The following CYP27B1 variants were observed in gnomAD, a reference collection of about 807,000 sequenced individuals.
CYP27B1 encodes 25-hydroxyvitamin D-1 alpha hydroxylase, mitochondrial.
CYP27B1 carries 46 observed loss-of-function variants against 54.8 expected under a neutral mutation model. That is an observed-to-expected ratio of 0.84 (90% confidence interval 0.66 to 1.07). The LOEUF (loss-of-function observed/expected upper bound fraction) is 1.07, where lower values mean the gene tolerates loss of function less well. Ranked by LOEUF, CYP27B1 falls within the 50% of genes least tolerant of loss-of-function variation. The probability of loss-of-function intolerance (pLI) is 0.00; values close to 1 mark genes in which losing one functional copy is unlikely to be tolerated. For synonymous variants in CYP27B1, 292 were observed against 297.3 expected, an observed-to-expected ratio of 0.98 and a Z score of 0.18; for missense variants, 674 against 692.2, an observed-to-expected ratio of 0.97 and a Z score of 0.30.
chr12:57,763,610 C>A lies in CYP27B1; in HGVS notation c.1413+1G>T. On this transcript the variant is annotated splice_donor_variant, in intron 8 of 8. Coordinates refer to ENST00000228606, the MANE Select transcript of CYP27B1 (RefSeq NM_000785.4). LOFTEE classifies it high-confidence loss of function. ...GAAGGTATAAAATCTAGAGCACTCA[C>A]CTGGGCCAAAGCCATTTGCAATTCA... is the stretch of plus-strand genomic sequence containing the variant. 1 of 1,613,912 alleles carries A rather than the reference C, an allele frequency of 6.2e-7. No homozygotes were observed.
At position 57,763,450 on chromosome 12, in the gene CYP27B1, C is replaced by T. The variant is rs185769797; in HGVS notation, c.1413+161G>A. On this transcript the variant is annotated intron_variant, in intron 8 of 8. Transcript: ENST00000228606. ...GTAGGGAAAAAATAGTTTGAATACC[C>T]TCACTTACACTCCAGGCCTATAATG... Among the ~76,000 whole-genome samples, 8 of 152,272 alleles carry T rather than the reference C, an allele frequency of 5.3e-5. No individual in the cohort carries two copies. The East Asian group carries it at 1.5e-3, about 29-fold the overall frequency.
chr12:57,766,769 T>G, intron 1 of CYP27B1, 78 bp downstream of exon 1: 1 of 1,473,036 alleles, frequency 6.8e-7, no homozygotes, highest in Non-Finnish European at 9.5e-7. Context: ...ACATTTGCTC[T>G]GCACTAGTCA....
chr12:57,764,089 T>A lies in CYP27B1; in HGVS notation c.1215+9A>T. 1 of 1,605,030 alleles carries A rather than the reference T, an allele frequency of 6.2e-7. No homozygotes were observed. Among genetic ancestry groups the A allele is most frequent in the Non-Finnish European group, 8.5e-7 (1 of 1,171,818 alleles). On this transcript the variant is annotated intron_variant, in intron 7 of 8. Transcript: ENST00000228606. The stretch of plus-strand genomic sequence containing the variant: ...GGCTCAGTAGAAAGGGTGCATAGGC[T>A]TTACTCACATTTTTGGGGATAATAT...
Position 57,766,117 on chromosome 12 carries a change from T to G in CYP27B1, c.276A>C (p.Ala92=). Residue 92 remains alanine (A), a synonymous_variant, in exon 2 of 9, where the codon GCA becomes GCC. Transcript: ENST00000228606. ...TVRTVYVAAP[A]LVEELLRQEG... ...CCTGTCGCAGCAGCTCCTCGACGAG[T>G]GCAGGGGCAGCCACGTACACGGTGC... 6.5e-7 allele frequency: 1 copy of G among 1,545,980 alleles called. No individual in the cohort carries two copies. The highest frequency in any genetic ancestry group is 1.2e-5 in the South Asian group (1 of 84,308).
chr12:57,766,012 G>C lies in CYP27B1; in HGVS notation c.381C>G (p.Leu127=), dbSNP rs1452989422. The change falls in exon 2 of 9, where the codon CTC becomes CTG. Residue 127 remains leucine, a synonymous_variant. Coordinates refer to ENST00000228606, the MANE Select transcript of CYP27B1 (RefSeq NM_000785.4). The part of the protein sequence containing the change: ...RRCRQRACGL[L]TAEGEEWQRL... ...TGGGGGCAGAGAAGACTCACGCAGT[G>C]AGCAGTCCGCAAGCCCGCTGGCGGC... The C allele has an allele frequency of 6.4e-7, 1 of 1,570,282 alleles. No individual in the cohort carries two copies. Among genetic ancestry groups the C allele is most frequent in the Non-Finnish European group, 8.6e-7 (1 of 1,163,020 alleles).
chr12:57,766,493 C>G (rs966012919), intron 1 of CYP27B1: 16 of 570,188 alleles, frequency 2.8e-5, no homozygotes, highest in Middle Eastern at 4.6e-4. Context: ...GACTGTCCAT[C>G]TCAGGACGAG....
In CYP27B1 at chr12:57,766,175, C is replaced by T. The variant is rs1955359102; in HGVS notation, c.218G>A (p.Gly73Glu). The T allele has an allele frequency of 1.3e-6, 2 of 1,543,532 alleles. No homozygotes were observed. The highest frequency in any genetic ancestry group is 1.7e-6 in the Non-Finnish European group (2 of 1,145,324). The change falls in exon 2 of 9, where the codon GGG becomes GAG. Residue 73 changes from glycine to glutamate, a missense_variant. Gly to Glu is a moderately conservative substitution (Grantham distance 98, BLOSUM62 -2). Coordinates refer to ENST00000228606, the MANE Select transcript of CYP27B1 (RefSeq NM_000785.4). Reference sequence around the variant, plus strand: ...CCCAAAGCTGGCTAGCCACACCGGCCCGAAGTGCGCGGCGCCCTGCACCTG... The same window carrying T: ...CCCAAAGCTGGCTAGCCACACCGGCTCGAAGTGCGCGGCGCCCTGCACCTG... The part of the protein sequence containing the change: ...ELQVQGAAHF[G>E]PVWLASFGTV...
intron 1 of CYP27B1, 149 bp downstream of exon 1, chr12:57,766,698 G>A (rs1955364568): frequency 2.3e-6 from 2 of 873,160 alleles, no homozygotes; most frequent in Non-Finnish European, 1.8e-6. Flanking sequence ...TAGCCACACC[G>A]CCCCCAGCCT....
Position 57,766,127 on chromosome 12 carries a change from G to A in CYP27B1, c.266C>T (p.Ala89Val), listed in dbSNP as rs1182872192. ...SFGTVRTVYV[A>V]APALVEELLR... ...CAGCTCCTCGACGAGTGCAGGGGCA[G>A]CCACGTACACGGTGCGCACTGTCCC... Residue 89 changes from alanine (A) to valine (V), a missense_variant, in exon 2 of 9, where the codon GCT becomes GTT. Physicochemically the swap from Ala to Val is moderately conservative, Grantham distance 64 (BLOSUM62 0). Coordinates refer to ENST00000228606, the MANE Select transcript of CYP27B1 (RefSeq NM_000785.4). 9.1e-6 allele frequency: 14 copies of A among 1,546,128 alleles called. No homozygotes were observed. Among genetic ancestry groups the A allele is most frequent in the Non-Finnish European group, 1.2e-5 (14 of 1,149,050 alleles).
Position 57,765,268 on chromosome 12 carries a change from C to CCA in CYP27B1, c.589+28_589+29insTG, listed in dbSNP as rs747235625. On this transcript the variant is annotated intron_variant, in intron 3 of 8. Coordinates refer to ENST00000228606, the MANE Select transcript of CYP27B1 (RefSeq NM_000785.4). This position sits in a 1 kb window ranked among gnomAD's most constrained non-coding sequence, Gnocchi z 5.8. ...GGAGGCTCTGGTAGGGCGCCCCCGA[C>CCA]GCCTGCCCAGCTCTGTCCTGGGACT... 7 of 1,612,042 alleles carry CCA rather than the reference C, an allele frequency of 4.3e-6. No individual in the cohort carries two copies. Among genetic ancestry groups the CCA allele is most frequent in the Non-Finnish European group, 4.2e-6 (5 of 1,179,362 alleles).
chr12:57,765,657 G>C lies in CYP27B1; in HGVS notation c.387-158C>G. 1 of 931,624 alleles carries C rather than the reference G, an allele frequency of 1.1e-6. No homozygotes were observed. The highest frequency in any genetic ancestry group is 1.7e-6 in the Non-Finnish European group (1 of 584,132). The allele number at this position is 931,624 out of a possible 1,614,324, so 57.7% of individuals were successfully genotyped here. ...TGCACCGGCCTGCGCCTGTCTTCCA[G>C]CCCCCTTCCTCTTTACTCATTTCCT... On this transcript the variant is annotated intron_variant, in intron 2 of 8. Coordinates refer to ENST00000228606, the MANE Select transcript of CYP27B1 (RefSeq NM_000785.4). The surrounding 1 kb of genome is among the most constrained non-coding windows in gnomAD (Gnocchi z 5.8).
chr12:57,766,753 T>C (rs1330194546), intron 1 of CYP27B1, 94 bp downstream of exon 1: 19 of 1,333,384 alleles, frequency 1.4e-5, no homozygotes, highest in Non-Finnish European at 2.2e-6. Flanking sequence ...TCTCTCTGGC[T>C]GTCCCACATT....
In CYP27B1 at chr12:57,766,028, C is replaced by T. The variant is rs995481284; in HGVS notation, c.365G>A (p.Arg122Gln). 5 of 1,574,164 alleles carry T rather than the reference C, an allele frequency of 3.2e-6. No homozygotes were observed. Among genetic ancestry groups the T allele is most frequent in the East Asian group, 2.3e-5 (1 of 43,432 alleles). The change falls in exon 2 of 9, where the codon CGG (arginine) becomes CAG (glutamine). Residue 122 changes from arginine (R) to glutamine (Q), a missense_variant. Arg to Gln is a conservative substitution (Grantham distance 43, BLOSUM62 1). Coordinates refer to ENST00000228606, the MANE Select transcript of CYP27B1 (RefSeq NM_000785.4). ...PWTEHRRCRQRACGLLTAEGE... is the reference protein window; with the variant it reads ...PWTEHRRCRQQACGLLTAEGE... ...TCACGCAGTGAGCAGTCCGCAAGCC[C>T]GCTGGCGGCAGCGGCGGTGCTCCGT...
chr12:57,764,023 A>G (rs1355781567), intron 7 of CYP27B1, 75 bp downstream of exon 7: 1 of 1,277,908 alleles, frequency 7.8e-7, no homozygotes, highest in East Asian at 2.3e-5. Context: ...CTTTTAGGAG[A>G]GTGTTTGAGA....
Position 57,763,041 on chromosome 12 carries a change from A to ATAGG in CYP27B1, c.*97_*100dup, listed in dbSNP as rs1955330979. 1.2e-5 allele frequency: 10 copies of ATAGG among 841,156 alleles called. No homozygotes were observed. In the South Asian group the frequency reaches 1.4e-4, roughly 12 times the overall value. The allele number at this position is 841,156 out of a possible 1,614,324, so 52.1% of individuals were successfully genotyped here. Reference sequence around the variant, plus strand: ...TGGTGGTTCTATCCAGTTTGGTCAGATAGGCATTAGGGGAAGATGTATACC... The same window carrying ATAGG: ...TGGTGGTTCTATCCAGTTTGGTCAGATAGGTAGGCATTAGGGGAAGATGTATACC... On this transcript the variant is annotated 3_prime_UTR_variant, in exon 9 of 9. Coordinates refer to ENST00000228606, the MANE Select transcript of CYP27B1 (RefSeq NM_000785.4).
At position 57,764,934 on chromosome 12, in the gene CYP27B1, G is replaced by A. The variant is rs777699465; in HGVS notation, c.791-8C>T. On this transcript the variant is annotated splice_polypyrimidine_tract_variant and splice_region_variant and intron_variant, in intron 4 of 8. Coordinates refer to ENST00000228606, the MANE Select transcript of CYP27B1 (RefSeq NM_000785.4). Reference sequence around the variant, plus strand: ...GCTCCACGTGCCTCTGAGCTGCGTGGGTAGAAGGCACGTGAATACCTCGCT... The same window carrying A: ...GCTCCACGTGCCTCTGAGCTGCGTGAGTAGAAGGCACGTGAATACCTCGCT... The A allele has an allele frequency of 1.9e-6, 3 of 1,613,978 alleles. No individual in the cohort carries two copies. The highest frequency in any genetic ancestry group is 2.5e-6 in the Non-Finnish European group (3 of 1,180,032).
chr12:57,764,474 A>G lies in CYP27B1; in HGVS notation c.1040T>C (p.Ile347Thr). ...PEVQTALHSE[I>T]TAALSPGSSA... ...GGAGCCAGGGCTCAGGGCAGCTGTG[A>G]TCTCTGAGTGGAGTGCTGTCTGGAC... The change falls in exon 6 of 9, where the codon ATC becomes ACC. Residue 347 changes from isoleucine to threonine, a missense_variant. By Grantham distance (89) the Ile-to-Thr change is moderately conservative. Transcript: ENST00000228606. 1 of 1,614,188 alleles carries G rather than the reference A, an allele frequency of 6.2e-7. No homozygotes were observed. The highest frequency in any genetic ancestry group is 8.5e-7 in the Non-Finnish European group (1 of 1,180,020).
rs778942273 is a variant in CYP27B1 at position 57,765,440 on chromosome 12, T to G, written c.446A>C (p.Gln149Pro). The G allele has an allele frequency of 6.2e-7, 1 of 1,612,968 alleles. No individual in the cohort carries two copies. Among genetic ancestry groups the G allele is most frequent in the South Asian group, 1.1e-5 (1 of 90,812 alleles). ...SLLAPLLLRP[Q>P]AAARYAGTLN... Reference sequence around the variant, plus strand: ...GGTTCCGGCGTAGCGGGCGGCCGCTTGAGGCCGGAGGAGGAGCGGGGCCAG... The same window carrying G: ...GGTTCCGGCGTAGCGGGCGGCCGCTGGAGGCCGGAGGAGGAGCGGGGCCAG... The change falls in exon 3 of 9, where the codon CAA becomes CCA. Residue 149 changes from glutamine to proline, a missense_variant. Transcript: ENST00000228606. This position sits in a 1 kb window ranked among gnomAD's most constrained non-coding sequence, Gnocchi z 5.8.
chr12:57,765,736 T>G lies in CYP27B1; in HGVS notation c.387-237A>C. ...CTTGAGTCACAGAACCTTACATTCA[T>G]TCCATCCAGATCCTTGTACCCTAGC... On this transcript the variant is annotated intron_variant, in intron 2 of 8. Transcript: ENST00000228606. This position sits in a 1 kb window ranked among gnomAD's most constrained non-coding sequence, Gnocchi z 5.8. The G allele has an allele frequency of 1.2e-6, 1 of 804,930 alleles. No homozygotes were observed. The highest frequency in any genetic ancestry group is 2.0e-6 in the Non-Finnish European group (1 of 495,422). 49.9% of individuals were successfully genotyped at this position (804,930 alleles called of 1,614,324 possible).
Sources: gnomAD v4.1 joint callset for allele counts (sites outside exome capture counted in the v4.1 genomes callset) on GRCh38, gnomAD v4.1.1 for gene constraint, Gnocchi (gnomAD v3.1) non-coding constraint, MANE v1.5 for transcripts, NCBI Gene and HGNC (gene_info 2026-07-23, HGNC 2026-07-21) for gene names.